SLCO1B1: variants seen among roughly 807,000 people sequenced by gnomAD.
SLCO1B1 encodes OATP-2.
A neutral mutation model predicts 70.1 loss-of-function variants in SLCO1B1; 81 were observed. The observed-to-expected ratio is 1.16, with a 90% CI of 0.97 to 1.39. The LOEUF is 1.39. Among genes scored for constraint, SLCO1B1 ranks in the 40% most tolerant of loss-of-function variants. SLCO1B1 has a pLI of 0.00. For synonymous variants in SLCO1B1, 283 were observed against 271.5 expected, an observed-to-expected ratio of 1.04 and a Z score of -0.42; for missense variants, 895 against 799.6, an observed-to-expected ratio of 1.12 and a Z score of -1.44.
chr12:21,166,615 A>T (rs972286545), intron 2 of SLCO1B1, among the ~76,000 whole-genome samples: 5 of 152,192 alleles, frequency 3.3e-5, no homozygotes, highest in African/African-American at 1.2e-4. Flanking sequence ...AAGGACTAAA[A>T]TTCCAAACAC....
chr12:21,221,267 A>G (rs1941420482), intron 12 of SLCO1B1, among the ~76,000 whole-genome samples: 1 of 152,156 alleles, frequency 6.6e-6, no homozygotes, highest in Admixed American at 6.6e-5. Context: ...AAGTGTGTCT[A>G]TTTTCACTAC....
intron 2 of SLCO1B1, among the ~76,000 whole-genome samples, chr12:21,156,969 A>C (rs1198180188): frequency 6.6e-6 from 1 of 152,208 alleles, no homozygotes; most frequent in Non-Finnish European, 1.5e-5. Context: ...ATAGTCTTCC[A>C]AATATGATAC....
chr12:21,201,080 G>A (rs1471449313), intron 9 of SLCO1B1, among the ~76,000 whole-genome samples: 3 of 151,908 alleles, frequency 2.0e-5, no homozygotes, highest in Admixed American at 6.6e-5. Flanking sequence ...AAAGAGTATC[G>A]ATTTAAATAC....
At chr12:21,173,445 T>G (rs1025412132) in intron 3 of SLCO1B1, among the ~76,000 whole-genome samples, 1 of 152,096 alleles carries the variant, frequency 6.6e-6, no homozygotes, top group Non-Finnish European at 1.5e-5. Context: ...TTCTTTATGT[T>G]TCATTAATCT....
intron 2 of SLCO1B1, among the ~76,000 whole-genome samples, chr12:21,151,226 T>A (rs1940466628): frequency 6.6e-6 from 1 of 152,190 alleles, no homozygotes; most frequent in South Asian, 2.1e-4. Flanking sequence ...GGTATTATAA[T>A]CTTATGGGAC....
At chr12:21,235,279 C>T (rs1224375330) in intron 14 of SLCO1B1, among the ~76,000 whole-genome samples, 1 of 150,896 alleles carries the variant, frequency 6.6e-6, no homozygotes, top group Non-Finnish European at 1.5e-5. Context: ...GAATTAAATG[C>T]TTTATCATTA....
intron 4 of SLCO1B1, 123 bp from the exon 5 acceptor site, chr12:21,176,653 A>C: frequency 1.3e-6 from 1 of 754,458 alleles, no homozygotes; most frequent in Non-Finnish European, 2.3e-6. Flanking sequence ...ATTGACAGAA[A>C]GTACTCTGGT....
rs1227443744 is a variant in SLCO1B1, at chr12:21,236,928, G to A, written c.1866-2051G>A. Among the ~76,000 whole-genome samples the A allele has an allele frequency of 4.6e-5, 7 of 151,482 alleles. 2 individuals carry two copies. The highest frequency in any genetic ancestry group is 1.7e-4 in the African/African-American group (7 of 41,354). On this transcript the variant is annotated intron_variant, in intron 14 of 14. Coordinates refer to ENST00000256958, the MANE Select transcript of SLCO1B1 (RefSeq NM_006446.5). ...CTTTTAATCTATACATCTATAAGTA[G>A]ATCTCTTAGAGACTACATATAGTTT...
intron 2 of SLCO1B1, among the ~76,000 whole-genome samples, chr12:21,148,180 T>C (rs896152165): frequency 6.6e-6 from 1 of 152,210 alleles, no homozygotes; most frequent in South Asian, 2.1e-4. Flanking sequence ...CTGATGATAG[T>C]TTCTTTTGCT....
At chr12:21,229,441 T>G (rs1032520513) in intron 14 of SLCO1B1, among the ~76,000 whole-genome samples, 2 of 152,216 alleles carry the variant, frequency 1.3e-5, no homozygotes, top group African/African-American at 4.8e-5. Flanking sequence ...CTTTTTACTG[T>G]TTTCATAGTT....
In SLCO1B1 at chr12:21,176,879, C is replaced by A. The variant is rs11045819; in HGVS notation, c.463C>A (p.Pro155Thr). Residue 155 changes from proline to threonine, a missense_variant, in exon 5 of 15, where the codon CCT (proline) becomes ACT (threonine). Transcript: ENST00000256958. ...NQILSLNRAS[P>T]EIVGKGCLKE... ...AATTTTATCACTCAATAGAGCATCA[C>A]CTGAGATAGTGGGAAAAGGTAAGAA... 166,787 of 1,507,068 alleles carry A rather than the reference C, an allele frequency of 0.11. 11,786 individuals are homozygous for A. The highest frequency in any genetic ancestry group is 0.12 in the Non-Finnish European group (135,266 of 1,083,560). 93.4% of individuals were successfully genotyped at this position (1,507,068 alleles called of 1,614,324 possible). A position where few individuals can be genotyped will look rare whatever the true frequency, so the allele number is the denominator to read the frequency against.
chr12:21,213,640 GATA>G (rs1190324051), intron 11 of SLCO1B1, among the ~76,000 whole-genome samples: 5 of 135,256 alleles, frequency 3.7e-5, no homozygotes, highest in African/African-American at 1.4e-4. Context: ...AGTTCTCCTG[GATA>G]ATATCCTGCA....
At chr12:21,182,133 G>C (rs1182585447) in intron 7 of SLCO1B1, among the ~76,000 whole-genome samples, 1 of 152,172 alleles carries the variant, frequency 6.6e-6, no homozygotes, top group Non-Finnish European at 1.5e-5. Flanking sequence ...AGGCTGAAGA[G>C]AGAGAAAGCT....
rs139506823 is a variant in SLCO1B1, at chr12:21,180,951, T to C, written c.727+1931T>C. Among the ~76,000 whole-genome samples, 14 of 152,338 alleles carry C rather than the reference T, an allele frequency of 9.2e-5. No homozygotes were observed. In the East Asian group the frequency reaches 1.7e-3, roughly 19 times the overall value. ...ATCTTCTCTTATTCAGTGATGAGTA[T>C]GAGCTTCACTTACAAAGTATACTTT... On this transcript the variant is annotated intron_variant, in intron 7 of 14. Coordinates refer to ENST00000256958, the MANE Select transcript of SLCO1B1 (RefSeq NM_006446.5).
intron 9 of SLCO1B1, among the ~76,000 whole-genome samples, chr12:21,201,187 A>G (rs531628043): frequency 2.6e-5 from 4 of 152,110 alleles, no homozygotes; most frequent in Admixed American, 6.6e-5. Flanking sequence ...CTTATTAAGG[A>G]AAGTTTCCTT....
intron 6 of SLCO1B1, 53 bp downstream of exon 6, chr12:21,178,775 T>G (rs1940854606): frequency 1.3e-6 from 2 of 1,516,780 alleles, no homozygotes; most frequent in Admixed American, 1.7e-5. Flanking sequence ...TGTCTACTTT[T>G]GAAATAGTAG....
At chr12:21,142,767 T>C (rs1435985348) in intron 2 of SLCO1B1, among the ~76,000 whole-genome samples, 2 of 152,094 alleles carry the variant, frequency 1.3e-5, no homozygotes, top group Non-Finnish European at 2.9e-5. Flanking sequence ...TTGTTTTTAT[T>C]TTTAAATACT....
intron 11 of SLCO1B1, among the ~76,000 whole-genome samples, chr12:21,208,742 T>G (rs1219305288): frequency 6.6e-6 from 1 of 152,156 alleles, no homozygotes; most frequent in Admixed American, 6.6e-5. Flanking sequence ...TGATAATTTT[T>G]CTACCAATCC....
intron 2 of SLCO1B1, among the ~76,000 whole-genome samples, chr12:21,163,757 C>G (rs1008825391): frequency 2.0e-5 from 3 of 152,056 alleles, no homozygotes; most frequent in Non-Finnish European, 4.4e-5. Context: ...CAGCCATTAT[C>G]TAATCACCCC....
Sources: allele counts gnomAD v4.1 joint callset (sites outside exome capture counted in the v4.1 genomes callset), GRCh38; gene constraint gnomAD v4.1.1; transcripts MANE v1.5; gene names NCBI Gene and HGNC (gene_info 2026-07-23, HGNC 2026-07-21).